The following SGCG variants were observed in gnomAD, a reference collection of about 807,000 sequenced individuals.
SGCG encodes the protein gamma-sarcoglycan.
A neutral mutation model predicts 29.3 loss-of-function variants in SGCG; 26 were observed. The observed-to-expected ratio is 0.89, with a 90% CI of 0.65 to 1.23. The LOEUF is 1.23. SGCG is among the 50% of genes most tolerant of loss of function. The probability of loss-of-function intolerance (pLI) is 0.00; values close to 1 mark genes in which losing one functional copy is unlikely to be tolerated. For missense variants in SGCG, 353 were observed against 356.0 expected (o/e 0.99, Z 0.07); for synonymous variants, 145 against 129.7 (o/e 1.12, Z -0.80).
At chr13:23,186,968 A>T (rs896997629) in intron 1 of SGCG, among the ~76,000 whole-genome samples, 3 of 152,172 alleles carry the variant, frequency 2.0e-5, no homozygotes, top group African/African-American at 4.8e-5. Context: ...CCCCCTGGCC[A>T]CCGAGTGGCT....
intron 6 of SGCG, among the ~76,000 whole-genome samples, chr13:23,306,185 A>G (rs1344597026): frequency 6.6e-6 from 1 of 152,128 alleles, no homozygotes; most frequent in East Asian, 1.9e-4. Flanking sequence ...ATAAAGTTTA[A>G]GTAACCCTGT....
the SGCG span, among the ~76,000 whole-genome samples, chr13:23,174,988 A>G: frequency 2.6e-5 from 4 of 152,178 alleles, no homozygotes; most frequent in Non-Finnish European, 1.5e-5. Flanking sequence ...GAGCAGCCGC[A>G]GCAACAGTGC....
At chr13:23,188,227 C>G (rs73168627) in intron 1 of SGCG, among the ~76,000 whole-genome samples, 45,478 of 151,008 alleles carry the variant, frequency 0.3, 7,528 homozygotes, top group Admixed American at 0.41. Flanking sequence ...CCCTAGAACA[C>G]TAGATCCTAA....
rs1252754237 is a variant in SGCG at position 23,259,715 on chromosome 13, A to T, written c.385+8998A>T. On this transcript the variant is annotated intron_variant, in intron 4 of 7. Transcript: ENST00000218867. Reference sequence around the variant, plus strand: ...AATTTCCCTCTACACACTGCTTTAAATGCATCCCAGAGATTCTGGTACATT... The same window carrying T: ...AATTTCCCTCTACACACTGCTTTAATTGCATCCCAGAGATTCTGGTACATT... Among the ~76,000 whole-genome samples the T allele has an allele frequency of 8.5e-5, 13 of 152,252 alleles. No homozygotes were observed. The East Asian group carries it at 2.5e-3, about 29-fold the overall frequency.
chr13:23,261,756 C>T (rs770980552), intron 4 of SGCG, among the ~76,000 whole-genome samples: 17 of 151,868 alleles, frequency 1.1e-4, no homozygotes, highest in Non-Finnish European at 2.2e-4. Flanking sequence ...TGCAGTGAGA[C>T]AAAAGGATCA....
At chr13:23,185,676 C>G (rs1224798780) in intron 1 of SGCG, among the ~76,000 whole-genome samples, 1 of 152,202 alleles carries the variant, frequency 6.6e-6, no homozygotes, top group African/African-American at 2.4e-5. Context: ...AGTACTGTAG[C>G]TGCCACAGAG....
intron 3 of SGCG, chr13:23,247,250 C>G (rs1019195889): frequency 6.6e-6 from 1 of 152,460 alleles, no homozygotes; most frequent in African/African-American, 2.4e-5. Context: ...AACACATGAA[C>G]TAGATTTGAA....
intron 3 of SGCG, chr13:23,244,230 A>C (rs977402043): frequency 2.0e-5 from 3 of 152,200 alleles, no homozygotes; most frequent in Admixed American, 6.5e-5. Context: ...TAACAGAGAA[A>C]GTATAAACAA....
chr13:23,323,613 C>T (rs186573338), intron 7 of SGCG, among the ~76,000 whole-genome samples: 11 of 152,320 alleles, frequency 7.2e-5, no homozygotes, highest in East Asian at 1.9e-4. Context: ...CCTCAATCTA[C>T]GGCTCTTTGT....
rs193275304 is a variant in SGCG at position 23,208,175 on chromosome 13, G to A, written c.195+4286G>A. 3.0e-4 allele frequency among the ~76,000 whole-genome samples: 45 copies of A among 152,184 alleles called. No homozygotes were observed. In the East Asian group the frequency reaches 6.0e-3, roughly 20 times the overall value. ...CCATATAATTATTTACCCAAACTCAGTGTAATTGCTTTTCTATCATGCATT... is the reference window on the plus strand; with the variant it reads ...CCATATAATTATTTACCCAAACTCAATGTAATTGCTTTTCTATCATGCATT... On this transcript the variant is annotated intron_variant, in intron 2 of 7. Transcript: ENST00000218867.
At chr13:23,170,931 C>T in the SGCG span, among the ~76,000 whole-genome samples, 104,074 of 152,068 alleles carry the variant, frequency 0.68, 35,827 homozygotes, top group South Asian at 0.75. Flanking sequence ...GCAGAGGAAG[C>T]TGTTGACCCA....
At chr13:23,223,764 G>A (rs1355101654) in intron 2 of SGCG, among the ~76,000 whole-genome samples, 2 of 152,058 alleles carry the variant, frequency 1.3e-5, no homozygotes, top group Admixed American at 6.6e-5. Flanking sequence ...TCAGGAGTTT[G>A]AGACCAGCCT....
chr13:23,258,306 G>A (rs149229562), intron 4 of SGCG, among the ~76,000 whole-genome samples: 4,498 of 152,114 alleles, frequency 0.03, 92 homozygotes, highest in South Asian at 0.09. Flanking sequence ...TCTCTTTGTA[G>A]CAATTGTGAA....
the SGCG span, among the ~76,000 whole-genome samples, chr13:23,161,656 C>T: frequency 6.6e-6 from 1 of 152,206 alleles, no homozygotes; most frequent in Non-Finnish European, 1.5e-5. Context: ...TTGACGTAAT[C>T]TTTTGCTAAC....
intron 4 of SGCG, among the ~76,000 whole-genome samples, chr13:23,259,282 G>T (rs1382731221): frequency 3.3e-5 from 5 of 152,148 alleles, no homozygotes; most frequent in Non-Finnish European, 7.4e-5. Flanking sequence ...GAGGGTGTAT[G>T]TGTCCAGGAA....
intron 3 of SGCG, among the ~76,000 whole-genome samples, chr13:23,236,619 A>G (rs988205834): frequency 3.9e-5 from 6 of 152,136 alleles, no homozygotes; most frequent in African/African-American, 1.4e-4. Flanking sequence ...TGGAGCTTGC[A>G]GTGAGCCGAG....
upstream of SGCG, among the ~76,000 whole-genome samples, chr13:23,178,154 C>T (rs768347377): frequency 4.3e-4 from 66 of 152,138 alleles, no homozygotes; most frequent in Non-Finnish European, 9.1e-4. Flanking sequence ...CTGGCAGTCC[C>T]TAGGTGTGTA....
intron 6 of SGCG, among the ~76,000 whole-genome samples, chr13:23,309,249 G>A (rs34845173): frequency 4.0e-5 from 6 of 149,604 alleles, no homozygotes; most frequent in South Asian, 4.2e-4. Flanking sequence ...TACATATGCC[G>A]AGAGAGAGAG....
chr13:23,204,952 TTA>T (rs915266868), intron 2 of SGCG, among the ~76,000 whole-genome samples: 18 of 152,050 alleles, frequency 1.2e-4, no homozygotes, highest in African/African-American at 1.9e-4. Flanking sequence ...AAATAAATAT[TTA>T]TGTTTTTACA....
Sources: gnomAD v4.1 joint callset for allele counts (sites outside exome capture counted in the v4.1 genomes callset) on GRCh38, gnomAD v4.1.1 for gene constraint, MANE v1.5 for transcripts, NCBI Gene and HGNC (gene_info 2026-07-23, HGNC 2026-07-21) for gene names.